Variants in SH3GLB2 observed in about 807,000 individuals in gnomAD.
SH3GLB2 encodes endophilin-B2.
A neutral mutation model predicts 48.0 loss-of-function variants in SH3GLB2; 24 were observed. That is an observed-to-expected ratio of 0.50 (90% CI 0.36 to 0.70). The LOEUF (loss-of-function observed/expected upper bound fraction) is 0.70, where lower values mean the gene tolerates loss of function less well. SH3GLB2 is among the 30% of genes least tolerant of loss of function. The pLI, the probability that SH3GLB2 is intolerant of heterozygous loss-of-function variation, is 0.00. For synonymous variants in SH3GLB2, 227 were observed against 207.6 expected (o/e 1.09, Z -0.80); for missense variants, 425 against 516.0 (o/e 0.82, Z 1.71).
intron 9 of SH3GLB2, 81 bp downstream of exon 9, chr9:129,009,690 G>A: frequency 1.4e-6 from 2 of 1,433,832 alleles, no homozygotes; most frequent in Non-Finnish European, 1.9e-6. Context: ...CACAGGACTT[G>A]CCCAGAGGAG....
At chr9:129,020,796 G>A (rs927637333) in intron 3 of SH3GLB2, among the ~76,000 whole-genome samples, 6 of 151,870 alleles carry the variant, frequency 4.0e-5, no homozygotes, top group Non-Finnish European at 7.4e-5. Flanking sequence ...CGGGAACCCA[G>A]GAGGTGGAGC....
In SH3GLB2 at chr9:129,009,246, C is replaced by A; in HGVS notation, c.940G>T (p.Val314Leu). 6.3e-7 allele frequency: 1 copy of A among 1,591,540 alleles called. No individual in the cohort carries two copies. The highest frequency in any genetic ancestry group is 8.6e-7 in the Non-Finnish European group (1 of 1,169,060). Residue 314 changes from valine (V) to leucine (L), a missense_variant, in exon 10 of 11, where the codon GTG becomes TTG. Val to Leu is a conservative substitution (Grantham distance 32, BLOSUM62 1). Transcript: ENST00000372564. ...AAATMPVVPSVASLAPPGEAS... is the reference protein window; with the variant it reads ...AAATMPVVPSLASLAPPGEAS... Reference sequence around the variant, plus strand: ...TCCCCCGGAGGGGCCAGGCTGGCCACAGAGGGCACCACAGGCATAGTGGCC... The same window carrying A: ...TCCCCCGGAGGGGCCAGGCTGGCCAAAGAGGGCACCACAGGCATAGTGGCC...
At chr9:129,020,556 G>A (rs1181160687) in intron 3 of SH3GLB2, among the ~76,000 whole-genome samples, 8 of 145,222 alleles carry the variant, frequency 5.5e-5, no homozygotes, top group Non-Finnish European at 1.2e-4. Context: ...GGGTGATGGA[G>A]TGAAACTGTG....
At chr9:129,027,787 C>G (rs1368381137) in intron 1 of SH3GLB2, among the ~76,000 whole-genome samples, 1 of 152,248 alleles carries the variant, frequency 6.6e-6, no homozygotes, top group Admixed American at 6.5e-5. Flanking sequence ...AGGGAGGTAG[C>G]ACCCAGCCGG....
intron 9 of SH3GLB2, 42 bp from the exon 10 acceptor site, chr9:129,009,388 A>G (rs1453258730): frequency 6.4e-7 from 1 of 1,550,702 alleles, no homozygotes; most frequent in South Asian, 1.2e-5. Flanking sequence ...GAGTCCCAGA[A>G]GGGACCCCAG....
chr9:129,012,915 G>T, intron 5 of SH3GLB2: 1 of 1,494,566 alleles, frequency 6.7e-7, no homozygotes, highest in Non-Finnish European at 9.1e-7. Context: ...CTTGCAAAAT[G>T]CCCCAAGGAC....
chr9:129,016,928 G>C (rs1843462770), intron 3 of SH3GLB2, among the ~76,000 whole-genome samples: 1 of 147,570 alleles, frequency 6.8e-6, no homozygotes, highest in African/African-American at 2.5e-5. Context: ...AACAGTAATA[G>C]TTGGAAACTT....
intron 10 of SH3GLB2, 122 bp from the exon 11 acceptor site, chr9:129,008,913 C>T: frequency 7.9e-7 from 1 of 1,263,280 alleles, no homozygotes. Flanking sequence ...CCTTCAGTGG[C>T]TGGCGCTCAT....
chr9:129,028,080 G>A lies in SH3GLB2; in HGVS notation c.63+12C>T, dbSNP rs1204419825. ...CCGGGCCCCCGGCGCACGGCGCGAC[G>A]CCAGGCCTCACCTGCACCGCCCGGG... On this transcript the variant is annotated intron_variant, in intron 1 of 10. Coordinates refer to ENST00000372564, the MANE Select transcript of SH3GLB2 (RefSeq NM_020145.4). 2.7e-6 allele frequency: 4 copies of A among 1,501,024 alleles called. No individual in the cohort carries two copies. In the African/African-American group the frequency reaches 4.4e-5, roughly 16 times the overall value. The allele number at this position is 1,501,024 out of a possible 1,614,324, so 93.0% of individuals were successfully genotyped here. A position where few individuals can be genotyped will look rare whatever the true frequency, so the allele number is the denominator to read the frequency against.
chr9:129,021,370 T>C (rs1473328368), intron 2 of SH3GLB2, 151 bp from the exon 3 acceptor site: 12 of 979,672 alleles, frequency 1.2e-5, no homozygotes, highest in South Asian at 3.6e-5. Flanking sequence ...CCTGAGACTG[T>C]TGTGATTGAC....
At chr9:129,027,487 C>T (rs1334683980) in intron 1 of SH3GLB2, among the ~76,000 whole-genome samples, 4 of 152,168 alleles carry the variant, frequency 2.6e-5, no homozygotes, top group African/African-American at 4.8e-5. Context: ...ATCTCAGCAT[C>T]GTGGGCCTGG....
rs1489944229 is a variant in SH3GLB2, at chr9:129,019,985, CTT to C, written c.334+1104_334+1105del. Among the ~76,000 whole-genome samples the C allele has an allele frequency of 2.5e-3, 376 of 150,626 alleles. 2 individuals carry two copies. Among genetic ancestry groups the C allele is most frequent in the African/African-American group, 8.8e-3 (356 of 40,532 alleles). On this transcript the variant is annotated intron_variant, in intron 3 of 10. Coordinates refer to ENST00000372564, the MANE Select transcript of SH3GLB2 (RefSeq NM_020145.4). ...TTGGGAGGCCATGGCGGGCAGATCA[CTT>C]GAGGTCAGGAGTTGGAAACCAGCCT...
Position 129,022,362 on chromosome 9 carries a change from A to T in SH3GLB2, c.125T>A (p.Leu42His). ...KTELDAHFEN[L>H]LARADSTKNW... ...CTTGGTGCTGTCTGCCCGGGCCAGAAGGTTTTCAAAGTGGGCATCAAGCTC... is the reference window on the plus strand; with the variant it reads ...CTTGGTGCTGTCTGCCCGGGCCAGATGGTTTTCAAAGTGGGCATCAAGCTC... Residue 42 changes from leucine (L) to histidine (H), a missense_variant, in exon 2 of 11, where the codon CTT becomes CAT. Transcript: ENST00000372564. The T allele has an allele frequency of 6.2e-7, 1 of 1,614,012 alleles. No individual in the cohort carries two copies. Among genetic ancestry groups the T allele is most frequent in the Non-Finnish European group, 8.5e-7 (1 of 1,179,980 alleles).
At chr9:129,019,848 G>A (rs1843672433) in intron 3 of SH3GLB2, among the ~76,000 whole-genome samples, 2 of 149,626 alleles carry the variant, frequency 1.3e-5, no homozygotes, top group African/African-American at 2.5e-5. Context: ...AAAAAAAAAA[G>A]ATGGATATGG....
Position 129,028,098 on chromosome 9 carries a change from C to A in SH3GLB2, c.57G>T (p.Ala19=). ...GCGCGACGCCAGGCCTCACCTGCAC[C>A]GCCCGGGTGAAGAAGATGCCCGCGT... ...ASDAGIFFTR[A]VQFTEEKFGQ... is the part of the protein sequence containing the mutation. The change falls in exon 1 of 11, where the codon GCG becomes GCT. Residue 19 remains alanine (A), a synonymous_variant. Coordinates refer to ENST00000372564, the MANE Select transcript of SH3GLB2 (RefSeq NM_020145.4). 6.7e-7 allele frequency: 1 copy of A among 1,501,414 alleles called. No individual in the cohort carries two copies. The allele number at this position is 1,501,414 out of a possible 1,614,324, so 93.0% of individuals were successfully genotyped here. A position where few individuals can be genotyped will look rare whatever the true frequency, so the allele number is the denominator to read the frequency against.
intron 2 of SH3GLB2, among the ~76,000 whole-genome samples, 199 bp from the exon 3 acceptor site, chr9:129,021,418 CT>C (rs1047711343): frequency 9.2e-5 from 14 of 152,300 alleles, no homozygotes; most frequent in African/African-American, 3.4e-4. Flanking sequence ...GGCCCGTCCA[CT>C]TCTCCCTTAT....
At chr9:129,012,915 G>A in intron 5 of SH3GLB2, 2 of 1,494,566 alleles carry the variant, frequency 1.3e-6, no homozygotes, top group Non-Finnish European at 9.1e-7. Context: ...CTTGCAAAAT[G>A]CCCCAAGGAC....
At chr9:129,025,263 CAAAAA>C (rs530346854) in intron 1 of SH3GLB2, among the ~76,000 whole-genome samples, 2 of 33,478 alleles carry the variant, frequency 6.0e-5, no homozygotes. Context: ...GACTCCGTCT[CAAAAA>C]AAAAAAAAAA....
Position 129,014,684 on chromosome 9 carries a change from C to T in SH3GLB2, c.468+87G>A. The stretch of plus-strand genomic sequence containing the variant: ...GGAGGCCTCAGGAGTTTTGTAGCCC[C>T]AGCACTGGAAGAGAGCCTGTACTCA... On this transcript the variant is annotated intron_variant, in intron 4 of 10. Coordinates refer to ENST00000372564, the MANE Select transcript of SH3GLB2 (RefSeq NM_020145.4). This position sits in a 1 kb window ranked among gnomAD's most constrained non-coding sequence, Gnocchi z 4.1. 1 of 1,554,856 alleles carries T rather than the reference C, an allele frequency of 6.4e-7. No individual in the cohort carries two copies. Among genetic ancestry groups the T allele is most frequent in the Non-Finnish European group, 8.7e-7 (1 of 1,148,598 alleles).
Sources: gnomAD v4.1 joint callset for allele counts (sites outside exome capture counted in the v4.1 genomes callset) on GRCh38, gnomAD v4.1.1 for gene constraint, Gnocchi (gnomAD v3.1) non-coding constraint, MANE v1.5 for transcripts, NCBI Gene and HGNC (gene_info 2026-07-23, HGNC 2026-07-21) for gene names.